The following ERG variants were observed in gnomAD, a reference collection of about 807,000 sequenced individuals.
ERG encodes ETS transcription factor ERG.
ERG carries 9 observed loss-of-function variants against 55.3 expected under a neutral mutation model. The ratio of observed to expected loss-of-function variants is 0.16; its 90% CI spans 0.10 to 0.28. The LOEUF (loss-of-function observed/expected upper bound fraction) is 0.28, where lower values mean the gene tolerates loss of function less well. Among genes scored for constraint, ERG ranks in the 10% least tolerant of loss-of-function variants. The pLI is 1.00. For synonymous variants in ERG, 223 were observed against 237.3 expected (o/e 0.94, Z 0.55); for missense variants, 434 against 631.6 (o/e 0.69, Z 3.35).
At chr21:38,585,532 C>CTTCTTTTTTTTTTTTTTTTTT (rs777496862), upstream of ERG, among the ~76,000 whole-genome samples, 1 of 59,270 alleles carries the variant, frequency 1.7e-5, no homozygotes, top group Non-Finnish European at 3.1e-5. Context: ...TCTCTCTCTT[C>CTTCTTTTTTTTTTTTTTTTTT]TTTTTTTTTT....
At chr21:38,589,238 G>A (rs2060085380), upstream of ERG, among the ~76,000 whole-genome samples, 1 of 152,194 alleles carries the variant, frequency 6.6e-6, no homozygotes, top group Non-Finnish European at 1.5e-5. Context: ...GTGCGTGACA[G>A]CAGCCTGGGG....
At chr21:38,474,520 C>T (rs1451410147) in intron 1 of ERG, among the ~76,000 whole-genome samples, 5 of 152,156 alleles carry the variant, frequency 3.3e-5, no homozygotes, top group South Asian at 2.1e-4. Context: ...AGACTTTCAC[C>T]CTGCCTCTCT....
chr21:38,549,594 A>G (rs16996460), intron 2 of ERG, among the ~76,000 whole-genome samples: 2,025 of 152,352 alleles, frequency 0.013, 48 homozygotes, highest in African/African-American at 0.046. Flanking sequence ...GTAACATGCC[A>G]AAGTCATGGG....
At position 38,381,834 on chromosome 21, in the gene ERG, G is replaced by A; in HGVS notation, c.*1569C>T. 9.4e-7 allele frequency: 1 copy of A among 1,063,646 alleles called. No homozygotes were observed. 65.9% of individuals were successfully genotyped at this position (1,063,646 alleles called of 1,614,324 possible). A position where few individuals can be genotyped will look rare whatever the true frequency, so the allele number is the denominator to read the frequency against. On this transcript the variant is annotated 3_prime_UTR_variant, in exon 10 of 10. Transcript: ENST00000288319. ...GTTCCAAAAGGGGCTAGAAATAAAA[G>A]ACAGGAGGGGAGGCAAGAAGGACCT...
rs983672157 is a variant in ERG at position 38,382,770 on chromosome 21, G to A, written c.*633C>T. ...GTCCCACCTTTTAGTTCATAGTCCC[G>A]GTAATACTGTAAAGGAGTTGGAAAC... On this transcript the variant is annotated 3_prime_UTR_variant, in exon 10 of 10. Transcript: ENST00000288319. 2.2e-5 allele frequency: 23 copies of A among 1,065,758 alleles called. No individual in the cohort carries two copies. The highest frequency in any genetic ancestry group is 1.1e-4 in the Admixed American group (2 of 18,712). The allele number at this position is 1,065,758 out of a possible 1,614,324, so 66.0% of individuals were successfully genotyped here.
rs189883021 is a variant in ERG at position 38,403,379 on chromosome 21, C to A, written c.592+127G>T. On this transcript the variant is annotated intron_variant, in intron 4 of 9. Transcript: ENST00000288319. Reference sequence around the variant, plus strand: ...TCACATACCAAGCATGTGGCTCCCTCGGATCCCCAGTGGGAACTGGGCGAG... The same window carrying A: ...TCACATACCAAGCATGTGGCTCCCTAGGATCCCCAGTGGGAACTGGGCGAG... 1.8e-5 allele frequency: 16 copies of A among 872,632 alleles called. No individual in the cohort carries two copies. In the Admixed American group the frequency reaches 3.3e-4, roughly 18 times the overall value. The allele number at this position is 872,632 out of a possible 1,614,324, so 54.1% of individuals were successfully genotyped here.
chr21:38,445,542 A>G lies in ERG; in HGVS notation c.98T>C (p.Met33Thr), dbSNP rs1328729843. The G allele has an allele frequency of 6.2e-7, 1 of 1,614,138 alleles. No individual in the cohort carries two copies. The highest frequency in any genetic ancestry group is 1.1e-5 in the South Asian group (1 of 91,080). ...YGTPHLAKTE[M>T]TASSSSDYGQ... ...ATAGTCGCTGGAGGAGGACGCGGTC[A>G]TCTCTGTCTTAGCCAGGTGTGGCGT... Residue 33 changes from methionine (M) to threonine (T), a missense_variant, in exon 2 of 10, where the codon ATG becomes ACG. This residue lies in a region of ERG where 212 missense variants were observed against 262.9 expected (regional missense o/e 0.81). Coordinates refer to ENST00000288319, the MANE Select transcript of ERG (RefSeq NM_182918.4).
At chr21:38,513,397 G>C (rs2059529353) in intron 2 of ERG, among the ~76,000 whole-genome samples, 1 of 152,152 alleles carries the variant, frequency 6.6e-6, no homozygotes, top group Non-Finnish European at 1.5e-5. Context: ...GTTTCAGCAT[G>C]AAAGGAGCAA....
At chr21:38,453,020 A>G (rs796386867) in intron 1 of ERG, among the ~76,000 whole-genome samples, 52 of 152,332 alleles carry the variant, frequency 3.4e-4, no homozygotes, top group African/African-American at 1.1e-3. Flanking sequence ...TATAAATGGG[A>G]TCCACAAACT....
chr21:38,520,468 G>A (rs2059586164), intron 2 of ERG, among the ~76,000 whole-genome samples: 1 of 152,198 alleles, frequency 6.6e-6, no homozygotes, highest in African/African-American at 2.4e-5. Context: ...GTGTCCATGA[G>A]GTGGGCAAGA....
At chr21:38,463,207 G>C (rs747180779) in intron 1 of ERG, among the ~76,000 whole-genome samples, 1 of 152,178 alleles carries the variant, frequency 6.6e-6, no homozygotes, top group East Asian at 1.9e-4. Flanking sequence ...TTACCTGCTT[G>C]CTGGGGTCTG....
At chr21:38,513,147 T>C (rs1215578042) in intron 2 of ERG, among the ~76,000 whole-genome samples, 2 of 151,374 alleles carry the variant, frequency 1.3e-5, no homozygotes, top group Admixed American at 6.6e-5. Flanking sequence ...AAAATAATAA[T>C]AATAGGCTAC....
At chr21:38,467,491 G>A (rs2059101440) in intron 1 of ERG, among the ~76,000 whole-genome samples, 1 of 152,106 alleles carries the variant, frequency 6.6e-6, no homozygotes. Context: ...CTGCGGGTGT[G>A]GAGGAGGAGG....
intron 1 of ERG, among the ~76,000 whole-genome samples, chr21:38,638,558 A>G (rs896276952): frequency 3.9e-5 from 6 of 152,258 alleles, no homozygotes; most frequent in African/African-American, 1.2e-4. Context: ...AGAAGAGACA[A>G]CAGCCTGTGG....
intron 1 of ERG, among the ~76,000 whole-genome samples, chr21:38,494,751 C>G (rs377639526): frequency 2.6e-5 from 4 of 152,194 alleles, no homozygotes; most frequent in African/African-American, 7.2e-5. Flanking sequence ...AAGAAAAGCC[C>G]ACAGATGGAG....
Position 38,450,939 on chromosome 21 carries a change from G to A in ERG, c.19-5318C>T, listed in dbSNP as rs182426548. 1.5e-4 allele frequency: 67 copies of A among 455,972 alleles called. 1 individual carries two copies. The highest frequency in any genetic ancestry group is 7.2e-4 in the African/African-American group (36 of 50,136). 28.2% of individuals were successfully genotyped at this position (455,972 alleles called of 1,614,324 possible). A position where few individuals can be genotyped will look rare whatever the true frequency, so the allele number is the denominator to read the frequency against. ...CCCATCAGAAAGTGCGATTAGAGAAGTAACATCAACAGTGAGGATGAGGCA... is the reference window on the plus strand; with the variant it reads ...CCCATCAGAAAGTGCGATTAGAGAAATAACATCAACAGTGAGGATGAGGCA... On this transcript the variant is annotated intron_variant, in intron 1 of 9. Transcript: ENST00000288319.
chr21:38,594,935 CAA>C (rs1349656350), intron 1 of ERG, among the ~76,000 whole-genome samples: 3 of 151,670 alleles, frequency 2.0e-5, no homozygotes, highest in African/African-American at 7.3e-5. Flanking sequence ...ATTTGCCAAG[CAA>C]AAAAAGAGTT....
chr21:38,432,297 T>A (rs551952437), intron 2 of ERG, among the ~76,000 whole-genome samples: 1 of 152,286 alleles, frequency 6.6e-6, no homozygotes, highest in South Asian at 2.1e-4. Context: ...TCTCACTATG[T>A]TGCCCAGGCT....
chr21:38,409,675 C>A (rs1199632811), intron 3 of ERG, among the ~76,000 whole-genome samples: 1 of 151,822 alleles, frequency 6.6e-6, no homozygotes, highest in Non-Finnish European at 1.5e-5. Context: ...CAGCCTCATC[C>A]GACATGGGCA....
Sources: allele counts gnomAD v4.1 joint callset (sites outside exome capture counted in the v4.1 genomes callset), GRCh38; gene constraint gnomAD v4.1.1; regional missense constraint gnomAD v4.1.1; transcripts MANE v1.5; gene names NCBI Gene and HGNC (gene_info 2026-07-23, HGNC 2026-07-21).